The following S100A7A variants were observed in gnomAD, a reference collection of about 807,000 sequenced individuals.
S100A7A encodes protein S100-A7A.
S100A7A carries 5 observed loss-of-function variants against 4.0 expected under a neutral mutation model. The ratio of observed to expected loss-of-function variants is 1.26; its 90% CI spans 0.66 to 2.66. The LOEUF is 2.66. Among genes scored for constraint, S100A7A ranks in the 30% most tolerant of loss-of-function variants. The probability of loss-of-function intolerance (pLI) is 0.01; values close to 1 mark genes in which losing one functional copy is unlikely to be tolerated. For synonymous variants in S100A7A, 52 were observed against 46.4 expected, an observed-to-expected ratio of 1.12 and a Z score of -0.49; for missense variants, 159 against 125.1, an observed-to-expected ratio of 1.27 and a Z score of -1.29.
chr1:153,418,319 T>G (rs1662791970), intron 2 of S100A7A, 96 bp downstream of exon 2: 2 of 1,519,986 alleles, frequency 1.3e-6, no homozygotes, highest in Non-Finnish European at 1.8e-6. Flanking sequence ...CCTCATCCTC[T>G]GATTAAAAAG....
chr1:153,417,865 T>A, intron 1 of S100A7A: 1 of 582,250 alleles, frequency 1.7e-6, no homozygotes, highest in Non-Finnish European at 2.9e-6. Flanking sequence ...TTCTTGGCCC[T>A]GGCCAGGATG....
At chr1:153,416,604 A>G (rs1261873262) in intron 1 of S100A7A, 41 bp downstream of exon 1, 2 of 452,374 alleles carry the variant, frequency 4.4e-6, no homozygotes, top group Non-Finnish European at 8.9e-6. Context: ...AGAAGTGCCC[A>G]GTGCCCAGCC....
intron 1 of S100A7A, 95 bp from the exon 2 acceptor site, chr1:153,417,971 T>C: frequency 6.8e-7 from 1 of 1,461,406 alleles, no homozygotes; most frequent in Non-Finnish European, 9.3e-7. Context: ...ATCTTAGGGC[T>C]GTTTTTACTC....
Position 153,422,919 on chromosome 1 carries a change from G to A in S100A7A, c.*3610G>A, listed in dbSNP as rs1460753184. On this transcript the variant is annotated 3_prime_UTR_variant, in exon 3 of 3. Transcript: ENST00000368729. Reference sequence around the variant, plus strand: ...CCCTGCCACTATAAAAACACCATGAGAGCATACTCATACATGTTCCCTTAT... The same window carrying A: ...CCCTGCCACTATAAAAACACCATGAAAGCATACTCATACATGTTCCCTTAT... The A allele has an allele frequency of 2.6e-5, 4 of 152,184 alleles. No individual in the cohort carries two copies. The highest frequency in any genetic ancestry group is 6.5e-5 in the Admixed American group (1 of 15,290). The allele number at this position is 152,184 out of a possible 1,614,324, so 9.4% of individuals were successfully genotyped here.
At chr1:153,416,873 T>C (rs1182715972) in intron 1 of S100A7A, among the ~76,000 whole-genome samples, 2 of 152,212 alleles carry the variant, frequency 1.3e-5, no homozygotes, top group Non-Finnish European at 2.9e-5. Context: ...CTGGATTCAT[T>C]CTCCTTTTGG....
chr1:153,423,186 A>G lies in S100A7A; in HGVS notation c.*3877A>G, dbSNP rs760595839. 27 of 151,992 alleles carry G rather than the reference A, an allele frequency of 1.8e-4. No individual in the cohort carries two copies. Among genetic ancestry groups the G allele is most frequent in the Non-Finnish European group, 3.7e-4 (25 of 67,936 alleles). The allele number at this position is 151,992 out of a possible 1,614,324, so 9.4% of individuals were successfully genotyped here. On this transcript the variant is annotated 3_prime_UTR_variant, in exon 3 of 3. Coordinates refer to ENST00000368729, the MANE Select transcript of S100A7A (RefSeq NM_176823.4). ...CTAGGAGCATCATTTATTTACCATTATTTTCAATTTCATATTAAAACTCAA... is the reference window on the plus strand; with the variant it reads ...CTAGGAGCATCATTTATTTACCATTGTTTTCAATTTCATATTAAAACTCAA...
In S100A7A at chr1:153,418,269, G is replaced by A. The variant is rs761699348; in HGVS notation, c.141+46G>A. The A allele has an allele frequency of 6.9e-6, 11 of 1,603,160 alleles. No individual in the cohort carries two copies. In the East Asian group the frequency reaches 2.0e-4, roughly 29 times the overall value. Reference sequence around the variant, plus strand: ...TCAATGTTGGTTGGACCCTGGCATGGCTGAGGATACATTTTGCTATGTGGC... The same window carrying A: ...TCAATGTTGGTTGGACCCTGGCATGACTGAGGATACATTTTGCTATGTGGC... On this transcript the variant is annotated intron_variant, in intron 2 of 2. Transcript: ENST00000368729.
intron 1 of S100A7A, among the ~76,000 whole-genome samples, chr1:153,417,622 G>C (rs1236172546): frequency 6.6e-6 from 1 of 152,168 alleles, no homozygotes; most frequent in East Asian, 1.9e-4. Flanking sequence ...AGCCGAGGAG[G>C]GTCAGACACC....
intron 1 of S100A7A, 139 bp from the exon 2 acceptor site, chr1:153,417,927 A>G (rs1485547002): frequency 1.0e-6 from 1 of 1,003,352 alleles, no homozygotes; most frequent in Non-Finnish European, 1.4e-6. Context: ...AACTTATCCC[A>G]TCACATTTAA....
intron 1 of S100A7A, among the ~76,000 whole-genome samples, chr1:153,417,675 G>A (rs571464942): frequency 1.8e-4 from 28 of 152,204 alleles, no homozygotes; most frequent in Non-Finnish European, 3.5e-4. Context: ...CTCTCACCCC[G>A]ACTGTGAAGC....
Position 153,422,636 on chromosome 1 carries a change from A to C in S100A7A, c.*3327A>C. On this transcript the variant is annotated 3_prime_UTR_variant, in exon 3 of 3. Transcript: ENST00000368729. ...AGTCTCACTCTGTCGCCCGGGCTGG[A>C]GTGCTGTGAGCTGTCCGTGGTGCTG... 1 of 478,674 alleles carries C rather than the reference A, an allele frequency of 2.1e-6. No individual in the cohort carries two copies. Among genetic ancestry groups the C allele is most frequent in the Non-Finnish European group, 2.7e-6 (1 of 367,496 alleles). The allele number at this position is 478,674 out of a possible 1,614,324, so 29.7% of individuals were successfully genotyped here. A position where few individuals can be genotyped will look rare whatever the true frequency, so the allele number is the denominator to read the frequency against.
In S100A7A at chr1:153,419,153, G is replaced by T. The variant is rs757399734; in HGVS notation, c.150G>T (p.Lys50Asn). The T allele has an allele frequency of 1.2e-6, 2 of 1,613,704 alleles. No homozygotes were observed. Among genetic ancestry groups the T allele is most frequent in the Admixed American group, 1.7e-5 (1 of 59,920 alleles). ...FPNFLSACDK[K>N]GIHYLATVFE... Reference sequence around the variant, plus strand: ...TGTTTTTCTCTTCACAGGACAAAAAGGGCATACATTACCTCGCCACTGTCT... The same window carrying T: ...TGTTTTTCTCTTCACAGGACAAAAATGGCATACATTACCTCGCCACTGTCT... Residue 50 changes from lysine to asparagine, a missense_variant, in exon 3 of 3, where the codon AAG becomes AAT. Lys to Asn is a moderately conservative substitution (Grantham distance 94, BLOSUM62 0). Transcript: ENST00000368729.
In S100A7A at chr1:153,422,909, A is replaced by G. The variant is rs1434774215; in HGVS notation, c.*3600A>G. On this transcript the variant is annotated 3_prime_UTR_variant, in exon 3 of 3. Transcript: ENST00000368729. ...GTTTCTGGTTCCCTGCCACTATAAAAACACCATGAGAGCATACTCATACAT... is the reference window on the plus strand; with the variant it reads ...GTTTCTGGTTCCCTGCCACTATAAAGACACCATGAGAGCATACTCATACAT... 2 of 152,284 alleles carry G rather than the reference A, an allele frequency of 1.3e-5. No individual in the cohort carries two copies. The highest frequency in any genetic ancestry group is 3.4e-3 in the Middle Eastern group (1 of 294). The allele number at this position is 152,284 out of a possible 1,614,324, so 9.4% of individuals were successfully genotyped here.
At position 153,422,632 on chromosome 1, in the gene S100A7A, C is replaced by A; in HGVS notation, c.*3323C>A. 1 of 535,886 alleles carries A rather than the reference C, an allele frequency of 1.9e-6. No homozygotes were observed. Among genetic ancestry groups the A allele is most frequent in the Non-Finnish European group, 2.4e-6 (1 of 419,638 alleles). 33.2% of individuals were successfully genotyped at this position (535,886 alleles called of 1,614,324 possible). A position where few individuals can be genotyped will look rare whatever the true frequency, so the allele number is the denominator to read the frequency against. ...GCGCAGTCTCACTCTGTCGCCCGGG[C>A]TGGAGTGCTGTGAGCTGTCCGTGGT... On this transcript the variant is annotated 3_prime_UTR_variant, in exon 3 of 3. Transcript: ENST00000368729.
chr1:153,421,835 AT>A lies in S100A7A; in HGVS notation c.*2528del, dbSNP rs1364611193. 3 of 152,332 alleles carry A rather than the reference AT, an allele frequency of 2.0e-5. No homozygotes were observed. Among genetic ancestry groups the A allele is most frequent in the South Asian group, 2.1e-4 (1 of 4,826 alleles). The allele number at this position is 152,332 out of a possible 1,614,324, so 9.4% of individuals were successfully genotyped here. ...ATTTCACCTGATAATATTCCGTCCA[AT>A]TGGCAATGGCACATAAAAATTAGGA... is the stretch of plus-strand genomic sequence containing the variant. On this transcript the variant is annotated 3_prime_UTR_variant, in exon 3 of 3. Coordinates refer to ENST00000368729, the MANE Select transcript of S100A7A (RefSeq NM_176823.4).
Position 153,421,945 on chromosome 1 carries a change from T to C in S100A7A, c.*2636T>C, listed in dbSNP as rs1662907107. The C allele has an allele frequency of 6.6e-6, 1 of 152,276 alleles. No homozygotes were observed. Among genetic ancestry groups the C allele is most frequent in the Non-Finnish European group, 1.5e-5 (1 of 68,056 alleles). 9.4% of individuals were successfully genotyped at this position (152,276 alleles called of 1,614,324 possible). A position where few individuals can be genotyped will look rare whatever the true frequency, so the allele number is the denominator to read the frequency against. ...TCAAGGGAGCCTTGTCTAATGTTCC[T>C]GAGACTATTTCACACTCTCCATGCT... On this transcript the variant is annotated 3_prime_UTR_variant, in exon 3 of 3. Coordinates refer to ENST00000368729, the MANE Select transcript of S100A7A (RefSeq NM_176823.4).
At position 153,418,493 on chromosome 1, in the gene S100A7A, G is replaced by A. The variant is rs374866754; in HGVS notation, c.141+270G>A. On this transcript the variant is annotated intron_variant, in intron 2 of 2. Transcript: ENST00000368729. Reference sequence around the variant, plus strand: ...GGACAGTGCACAGTCCCCTCCCAGCGCTCACTGACCCTCTCTCTGTGAGAC... The same window carrying A: ...GGACAGTGCACAGTCCCCTCCCAGCACTCACTGACCCTCTCTCTGTGAGAC... Among the ~76,000 whole-genome samples the A allele has an allele frequency of 6.0e-4, 92 of 152,118 alleles. 1 individual carries two copies. The South Asian group carries it at 6.4e-3, about 11-fold the overall frequency.
rs1662921230 is a variant in S100A7A, at chr1:153,422,423, C to T, written c.*3114C>T. The T allele has an allele frequency of 2.6e-6, 2 of 778,966 alleles. No individual in the cohort carries two copies. Among genetic ancestry groups the T allele is most frequent in the African/African-American group, 3.8e-5 (2 of 53,060 alleles). 48.3% of individuals were successfully genotyped at this position (778,966 alleles called of 1,614,324 possible). A position where few individuals can be genotyped will look rare whatever the true frequency, so the allele number is the denominator to read the frequency against. ...ACCTTTGTTCTAACACATACTAGAG[C>T]AAGAATTTACTTGATTTGGAATAAT... is the stretch of plus-strand genomic sequence containing the variant. On this transcript the variant is annotated 3_prime_UTR_variant, in exon 3 of 3. Transcript: ENST00000368729.
chr1:153,422,656 G>T lies in S100A7A; in HGVS notation c.*3347G>T. Reference sequence around the variant, plus strand: ...GCTGGAGTGCTGTGAGCTGTCCGTGGTGCTGAATTCACTGTGACGTCACTC... The same window carrying T: ...GCTGGAGTGCTGTGAGCTGTCCGTGTTGCTGAATTCACTGTGACGTCACTC... On this transcript the variant is annotated 3_prime_UTR_variant, in exon 3 of 3. Coordinates refer to ENST00000368729, the MANE Select transcript of S100A7A (RefSeq NM_176823.4). 1 of 260,356 alleles carries T rather than the reference G, an allele frequency of 3.8e-6. No homozygotes were observed. The highest frequency in any genetic ancestry group is 6.0e-6 in the Non-Finnish European group (1 of 167,348). The allele number at this position is 260,356 out of a possible 1,614,324, so 16.1% of individuals were successfully genotyped here.
Sources: gnomAD v4.1 joint callset for allele counts (sites outside exome capture counted in the v4.1 genomes callset) on GRCh38, gnomAD v4.1.1 for gene constraint, MANE v1.5 for transcripts, NCBI Gene and HGNC (gene_info 2026-07-23, HGNC 2026-07-21) for gene names.